ROBO2: variants seen among roughly 807,000 people sequenced by gnomAD.
ROBO2 encodes roundabout homolog 2.
Under a neutral mutation model 160.8 loss-of-function variants are expected in ROBO2, and 53 were observed. The ratio of observed to expected loss-of-function variants is 0.33; its 90% CI spans 0.26 to 0.41. ROBO2 has a LOEUF of 0.41. Ranked by LOEUF, ROBO2 falls within the 10% of genes least tolerant of loss-of-function variation. ROBO2 has a pLI of 1.00. For synonymous variants in ROBO2, 664 were observed against 611.7 expected, an observed-to-expected ratio of 1.09 and a Z score of -1.26; for missense variants, 1,577 against 1,722.4, an observed-to-expected ratio of 0.92 and a Z score of 1.49.
chr3:76,668,003 A>C (rs1966804), intron 2 of ROBO2, among the ~76,000 whole-genome samples: 68,220 of 151,980 alleles, frequency 0.45, 15,891 homozygotes, highest in African/African-American at 0.57. Context: ...CATTTTATTT[A>C]AATTTTAAAA....
chr3:76,870,208 G>T lies in ROBO2; in HGVS notation c.110-227806G>T, dbSNP rs186060281. 8.7e-4 allele frequency among the ~76,000 whole-genome samples: 132 copies of T among 152,214 alleles called. 1 individual carries two copies. The highest frequency in any genetic ancestry group is 5.7e-4 in the Non-Finnish European group (39 of 68,012). ...GTTGTAATAATCCCAGAGACAAACCGCTATGTGGCCTTGTGCAAATAAATG... is the reference window on the plus strand; with the variant it reads ...GTTGTAATAATCCCAGAGACAAACCTCTATGTGGCCTTGTGCAAATAAATG... On this transcript the variant is annotated intron_variant, in intron 2 of 26. Coordinates refer to the ROBO2 transcript ENST00000487694.
chr3:75,983,727 A>C (rs937490717), intron 2 of ROBO2, among the ~76,000 whole-genome samples: 1 of 151,398 alleles, frequency 6.6e-6, no homozygotes, highest in Non-Finnish European at 1.5e-5. Flanking sequence ...TATCAACTCC[A>C]GTCATCACAG....
At chr3:77,507,008 A>C (rs1430580953) in intron 5 of ROBO2, among the ~76,000 whole-genome samples, 2 of 152,100 alleles carry the variant, frequency 1.3e-5, no homozygotes. Flanking sequence ...CCTTTTCTAG[A>C]ATATATAAGG....
At chr3:76,357,710 C>T (rs1368786210) in intron 2 of ROBO2, among the ~76,000 whole-genome samples, 1 of 151,804 alleles carries the variant, frequency 6.6e-6, no homozygotes, top group Non-Finnish European at 1.5e-5. Context: ...ACGAAGATAT[C>T]TCATTGGGAT....
At chr3:77,022,096 A>G (rs911286381) in intron 2 of ROBO2, among the ~76,000 whole-genome samples, 1 of 152,166 alleles carries the variant, frequency 6.6e-6, no homozygotes, top group African/African-American at 2.4e-5. Context: ...CAGACCAGGC[A>G]TGGTGGCTTA....
intron 4 of ROBO2, among the ~76,000 whole-genome samples, chr3:77,482,692 A>C (rs1582341463): frequency 1.3e-5 from 2 of 152,186 alleles, no homozygotes; most frequent in East Asian, 3.8e-4. Context: ...CCTCTATAAG[A>C]GTCTCAAGAT....
chr3:77,461,565 T>C (rs962707283), intron 2 of ROBO2, among the ~76,000 whole-genome samples: 5 of 152,052 alleles, frequency 3.3e-5, no homozygotes, highest in African/African-American at 1.2e-4. Context: ...TATTTTTGTT[T>C]TTGTATATTC....
chr3:77,099,757 T>C (rs2071645229), intron 2 of ROBO2, among the ~76,000 whole-genome samples: 1 of 152,108 alleles, frequency 6.6e-6, no homozygotes, highest in Non-Finnish European at 1.5e-5. Context: ...ATGGTGAATA[T>C]GACTGGCATT....
chr3:76,571,417 C>G (rs1370622279), intron 2 of ROBO2, among the ~76,000 whole-genome samples: 2 of 151,984 alleles, frequency 1.3e-5, no homozygotes, highest in Admixed American at 6.6e-5. Flanking sequence ...CATAAAATAT[C>G]TTTTCAATAA....
intron 2 of ROBO2, among the ~76,000 whole-genome samples, chr3:77,411,883 C>G (rs948588032): frequency 6.6e-6 from 1 of 152,132 alleles, no homozygotes; most frequent in Non-Finnish European, 1.5e-5. Context: ...ATATTCTCAT[C>G]CTTTATTGTT....
At chr3:77,610,763 A>T (rs1412919062) in intron 21 of ROBO2, among the ~76,000 whole-genome samples, 1 of 149,578 alleles carries the variant, frequency 6.7e-6, no homozygotes, top group African/African-American at 2.5e-5. Flanking sequence ...AAAAAAAAAA[A>T]AAAAGAAAAT....
chr3:77,216,327 G>T (rs1489813062), intron 2 of ROBO2, among the ~76,000 whole-genome samples: 1 of 152,142 alleles, frequency 6.6e-6, no homozygotes, highest in Non-Finnish European at 1.5e-5. Flanking sequence ...ACCTCAGACT[G>T]CTGTGCTAGC....
intron 2 of ROBO2, among the ~76,000 whole-genome samples, chr3:77,104,375 C>T (rs1006414792): frequency 2.0e-5 from 3 of 152,066 alleles, no homozygotes; most frequent in Non-Finnish European, 4.4e-5. Context: ...TTCAAGGATC[C>T]TGTTTGTTTA....
intron 2 of ROBO2, chr3:77,316,715 C>G: frequency 1.2e-6 from 1 of 860,950 alleles, no homozygotes; most frequent in South Asian, 1.3e-5. Flanking sequence ...AGCTATGCTG[C>G]AAAATAGTTT....
At chr3:76,695,692 A>G (rs2092912892) in intron 2 of ROBO2, among the ~76,000 whole-genome samples, 1 of 152,178 alleles carries the variant, frequency 6.6e-6, no homozygotes. Flanking sequence ...GTTTTAACTC[A>G]CTTAGCTCTC....
intron 20 of ROBO2, among the ~76,000 whole-genome samples, chr3:77,606,286 T>C (rs1583239121): frequency 1.3e-5 from 2 of 152,300 alleles, no homozygotes; most frequent in Admixed American, 1.3e-4. Flanking sequence ...TTGATATGCA[T>C]TGTCTCTTGT....
intron 2 of ROBO2, among the ~76,000 whole-genome samples, chr3:76,632,560 A>G (rs1238573086): frequency 6.6e-6 from 1 of 152,180 alleles, no homozygotes; most frequent in Non-Finnish European, 1.5e-5. Flanking sequence ...AAAATCATCA[A>G]AGAAAGGAAA....
intron 2 of ROBO2, among the ~76,000 whole-genome samples, chr3:76,662,890 A>G (rs539158086): frequency 2.6e-5 from 4 of 152,304 alleles, no homozygotes; most frequent in Middle Eastern, 3.4e-3. Context: ...GTCCTTCACC[A>G]GATGTTGAAG....
At chr3:77,147,507 T>C (rs1033189152) in intron 2 of ROBO2, among the ~76,000 whole-genome samples, 3 of 152,220 alleles carry the variant, frequency 2.0e-5, no homozygotes, top group Admixed American at 2.0e-4. Flanking sequence ...AATAAACTTT[T>C]AAAGTAAAAC....
Sources: allele counts gnomAD v4.1 joint callset (sites outside exome capture counted in the v4.1 genomes callset), GRCh38; gene constraint gnomAD v4.1.1; transcripts MANE v1.5; gene names NCBI Gene and HGNC (gene_info 2026-07-23, HGNC 2026-07-21).